Variants in PCDH20 observed in about 807,000 individuals in gnomAD.
PCDH20 encodes the protein protocadherin-20.
A neutral mutation model predicts 39.7 loss-of-function variants in PCDH20; 18 were observed. That is an observed-to-expected ratio of 0.45 (90% CI 0.31 to 0.67). PCDH20 has a LOEUF of 0.67. PCDH20 is among the 30% of genes least tolerant of loss of function. The pLI is 0.05. For missense variants in PCDH20, 1,161 were observed against 1,167.4 expected (o/e 0.99, Z 0.08); for synonymous variants, 495 against 455.4 (o/e 1.09, Z -1.11).
Position 61,413,632 on chromosome 13 carries a change from C to G in PCDH20, c.467G>C (p.Gly156Ala), listed in dbSNP as rs112795881. The G allele has an allele frequency of 3.5e-5, 56 of 1,614,224 alleles. No homozygotes were observed. The South Asian group carries it at 4.1e-4, about 12-fold the overall frequency. ...GCCGCTCCACGCAGTCCCTCCACCCCCTTCAACACACAGGGCCTCCCTGTC... is the reference window on the plus strand; with the variant it reads ...GCCGCTCCACGCAGTCCCTCCACCCGCTTCAACACACAGGGCCTCCCTGTC... Residue 156 changes from glycine to alanine, a missense_variant, in exon 2 of 2, where the codon GGG becomes GCG. By Grantham distance (60) the Gly-to-Ala change is moderately conservative (BLOSUM62 0). Coordinates refer to ENST00000409204, the Ensembl canonical transcript of PCDH20.
chr13:61,415,030 C>T (rs751853221), exon 1 of PCDH20: 1 of 1,485,082 alleles, frequency 6.7e-7, no homozygotes, highest in South Asian at 1.3e-5. Flanking sequence ...CCCTTACCGG[C>T]AGGTTCCTGT....
In PCDH20 at chr13:61,412,141, G is replaced by A. The variant is rs868405292; in HGVS notation, c.1958C>T (p.Pro653Leu). The change falls in exon 2 of 2, where the codon CCA becomes CTA. Residue 653 changes from proline to leucine, a missense_variant. Coordinates refer to ENST00000409204, the Ensembl canonical transcript of PCDH20. ...AATTACTCCAATCTCACCATAGCCT[G>A]GAAAGTTTTCAGGCACAAAAAAGCT... is the stretch of plus-strand genomic sequence containing the variant. 3.1e-6 allele frequency: 5 copies of A among 1,614,068 alleles called. No homozygotes were observed. The Middle Eastern group carries it at 6.6e-4, about 213-fold the overall frequency.
exon 2 of PCDH20, chr13:61,412,731 TATG>T: frequency 6.2e-7 from 1 of 1,614,198 alleles, no homozygotes; most frequent in Non-Finnish European, 8.5e-7. Flanking sequence ...CTGGATCTCT[TATG>T]GTGAAAAACG....
chr13:61,415,813 G>A (rs1398307487), upstream of PCDH20: 1 of 152,226 alleles, frequency 6.6e-6, no homozygotes, highest in Non-Finnish European at 1.5e-5. Flanking sequence ...GCTTCTGCTA[G>A]TTTCCTAGTT....
chr13:61,413,750 G>C lies in PCDH20; in HGVS notation c.349C>G (p.Leu117Val), dbSNP rs1375600083. ...CCCCGGGAGGCCAGGCTGAAGGAGA[G>C]AGGGGGGTTCCACTCAGCACCGGTG... is the stretch of plus-strand genomic sequence containing the variant. The change falls in exon 2 of 2, where the codon CTC becomes GTC. Residue 117 changes from leucine (L) to valine (V), a missense_variant. Leu to Val is a conservative substitution (Grantham distance 32, BLOSUM62 1). Transcript: ENST00000409204. 6 of 1,613,914 alleles carry C rather than the reference G, an allele frequency of 3.7e-6. 1 individual carries two copies. In the South Asian group the frequency reaches 6.6e-5, roughly 18 times the overall value.
chr13:61,411,194 G>T, exon 2 of PCDH20: 1 of 1,487,418 alleles, frequency 6.7e-7, no homozygotes, highest in Non-Finnish European at 9.2e-7. Flanking sequence ...AGGTGATGAA[G>T]ATCCAAAGTC....
chr13:61,415,159 T>G (rs1389004206), exon 1 of PCDH20: 1 of 1,424,022 alleles, frequency 7.0e-7, no homozygotes. Context: ...GGCCGCGCAT[T>G]CCCTGGGAGG....
exon 2 of PCDH20, chr13:61,412,950 G>A: frequency 6.2e-7 from 1 of 1,614,140 alleles, no homozygotes; most frequent in East Asian, 2.2e-5. Context: ...CAATCTTACT[G>A]AAAAGTTTAA....
At chr13:61,415,838 C>T (rs1871538001), upstream of PCDH20, 2 of 152,224 alleles carry the variant, frequency 1.3e-5, no homozygotes, top group Admixed American at 6.5e-5. Flanking sequence ...GCTCAAATGT[C>T]TCTGGGTGTT....
chr13:61,411,268 T>C, exon 2 of PCDH20: 1 of 1,613,248 alleles, frequency 6.2e-7, no homozygotes, highest in East Asian at 2.2e-5. Context: ...ATCCATTGGC[T>C]TTCTCTCTCG....
exon 2 of PCDH20, chr13:61,411,981 G>A: frequency 6.2e-7 from 1 of 1,614,130 alleles, no homozygotes; most frequent in East Asian, 2.2e-5. Flanking sequence ...AAGTATAGGA[G>A]CTTTGCTGCT....
exon 2 of PCDH20, chr13:61,412,813 C>A (rs147863563): frequency 6.2e-7 from 1 of 1,613,926 alleles, no homozygotes; most frequent in East Asian, 2.2e-5. Context: ...TGCTATGTAA[C>A]GAGGGACAAT....
chr13:61,413,394 C>A (rs762341113), exon 2 of PCDH20: 29 of 1,614,030 alleles, frequency 1.8e-5, no homozygotes, highest in Non-Finnish European at 2.5e-5. Flanking sequence ...CATCTGGGTC[C>A]ACAGCAGGAT....
chr13:61,411,225 T>C (rs1043547145), exon 2 of PCDH20: 37 of 1,583,258 alleles, frequency 2.3e-5, no homozygotes, highest in Middle Eastern at 1.7e-4. Flanking sequence ...TTTCTCTGTG[T>C]TATTCCACCA....
At chr13:61,413,777 G>T in exon 2 of PCDH20, 1 of 1,613,528 alleles carries the variant, frequency 6.2e-7, no homozygotes, top group South Asian at 1.1e-5. Flanking sequence ...GCACCGGTGC[G>T]CTCTGGCAGC....
chr13:61,413,524 A>G (rs1871463700), exon 2 of PCDH20: 2 of 1,613,870 alleles, frequency 1.2e-6, no homozygotes, highest in Non-Finnish European at 1.7e-6. Flanking sequence ...CACCTTCACA[A>G]ACCTGAAGTA....
intron 1 of PCDH20, among the ~76,000 whole-genome samples, chr13:61,414,790 C>T (rs2138021761): frequency 6.6e-6 from 1 of 152,308 alleles, no homozygotes; most frequent in South Asian, 2.1e-4. Context: ...ACCCCCGATG[C>T]CCTCGACCTT....
At chr13:61,411,253 G>A in exon 2 of PCDH20, 1 of 1,609,078 alleles carries the variant, frequency 6.2e-7, no homozygotes, top group Non-Finnish European at 8.5e-7. Flanking sequence ...TCAAATATTA[G>A]AAATATCCAT....
exon 1 of PCDH20, chr13:61,415,105 G>A: frequency 6.4e-7 from 1 of 1,556,674 alleles, no homozygotes; most frequent in South Asian, 1.2e-5. Context: ...AGGTCGCCGG[G>A]CACCAGCTCA....
Sources: gnomAD v4.1 joint callset for allele counts (sites outside exome capture counted in the v4.1 genomes callset) on GRCh38, gnomAD v4.1.1 for gene constraint, MANE v1.5 for transcripts, NCBI Gene and HGNC (gene_info 2026-07-23, HGNC 2026-07-21) for gene names.